ANKRD31: variants seen among roughly 807,000 people sequenced by gnomAD.
ANKRD31 encodes the protein ankyrin repeat domain 31.
ANKRD31 carries 147 observed loss-of-function variants against 186.0 expected under a neutral mutation model. The observed-to-expected ratio is 0.79, with a 90% CI of 0.69 to 0.91. The LOEUF is 0.91. ANKRD31 is among the 40% of genes least tolerant of loss of function. The pLI is 0.00. For synonymous variants in ANKRD31, 673 were observed against 736.4 expected (o/e 0.91, Z 1.39); for missense variants, 1,986 against 2,148.8 (o/e 0.92, Z 1.50).
At chr5:75,073,334 G>T (rs961112093) in intron 25 of ANKRD31, among the ~76,000 whole-genome samples, 1 of 151,422 alleles carries the variant, frequency 6.6e-6, no homozygotes, top group Admixed American at 6.6e-5. Context: ...AAATAAAAGT[G>T]CTTGTTTTAA....
intron 11 of ANKRD31, among the ~76,000 whole-genome samples, chr5:75,167,239 T>C (rs1752995199): frequency 6.6e-6 from 1 of 152,098 alleles, no homozygotes. Flanking sequence ...ATCTCTCCCA[T>C]AAAACAATTA....
chr5:75,134,797 C>G (rs1301463853), intron 17 of ANKRD31, among the ~76,000 whole-genome samples: 1 of 152,112 alleles, frequency 6.6e-6, no homozygotes, highest in African/African-American at 2.4e-5. Flanking sequence ...AATCCAGTAG[C>G]ACATCAAAAA....
intron 5 of ANKRD31, among the ~76,000 whole-genome samples, chr5:75,203,386 G>A (rs746673557): frequency 5.3e-5 from 8 of 152,184 alleles, no homozygotes; most frequent in East Asian, 1.9e-4. Context: ...AGGGGAGGCC[G>A]GGCGCGGTGG....
Position 75,118,259 on chromosome 5 carries a change from A to T in ANKRD31, c.3915T>A (p.Asn1305Lys). The change falls in exon 18 of 26, where the codon AAT becomes AAA. Residue 1305 changes from asparagine (N) to lysine (K), a missense_variant. Coordinates refer to ENST00000506364, the MANE Select transcript of ANKRD31 (RefSeq NM_001372053.1). ...CACTCTTCTGTTTTTGATCTTTTTG[A>T]TTAGGGTTTGCTCCATTTTGTAGTA... ...EILLQNGANPNQKDQKQKSAL... is the reference protein window; with the variant it reads ...EILLQNGANPKQKDQKQKSAL... 11 of 1,518,214 alleles carry T rather than the reference A, an allele frequency of 7.2e-6. No homozygotes were observed. Among genetic ancestry groups the T allele is most frequent in the Non-Finnish European group, 9.6e-6 (11 of 1,141,834 alleles). 94.0% of individuals were successfully genotyped at this position (1,518,214 alleles called of 1,614,324 possible). A position where few individuals can be genotyped will look rare whatever the true frequency, so the allele number is the denominator to read the frequency against.
At chr5:75,117,763 G>A (rs1439615088) in intron 18 of ANKRD31, among the ~76,000 whole-genome samples, 1 of 152,026 alleles carries the variant, frequency 6.6e-6, no homozygotes, top group Non-Finnish European at 1.5e-5. Flanking sequence ...TGTAATATAT[G>A]TTATATTCCT....
chr5:75,170,161 T>C (rs1174396226), intron 10 of ANKRD31, among the ~76,000 whole-genome samples: 3 of 152,146 alleles, frequency 2.0e-5, no homozygotes, highest in Non-Finnish European at 4.4e-5. Context: ...ATATATATGA[T>C]AGCTATAGCA....
chr5:75,212,500 C>T (rs1033370698), intron 3 of ANKRD31, among the ~76,000 whole-genome samples: 101 of 152,214 alleles, frequency 6.6e-4, no homozygotes, highest in African/African-American at 2.3e-3. Flanking sequence ...GGCATGGTTG[C>T]CCATGCCTAT....
chr5:75,211,667 A>AT (rs906663834), intron 3 of ANKRD31, among the ~76,000 whole-genome samples: 118 of 151,952 alleles, frequency 7.8e-4, no homozygotes, highest in African/African-American at 2.8e-3. Flanking sequence ...TATTTTGGGT[A>AT]TTTTTTTTAA....
At chr5:75,217,243 T>C (rs181031371) in intron 3 of ANKRD31, among the ~76,000 whole-genome samples, 87 of 152,286 alleles carry the variant, frequency 5.7e-4, no homozygotes, top group African/African-American at 2.0e-3. Context: ...CTAGGTCCAT[T>C]TGGTCAAGTG....
At chr5:75,078,320 T>C (rs1053525792) in intron 25 of ANKRD31, among the ~76,000 whole-genome samples, 1 of 152,246 alleles carries the variant, frequency 6.6e-6, no homozygotes, top group South Asian at 2.1e-4. Context: ...TGACAAAGCA[T>C]GATAATAGAA....
At chr5:75,221,555 G>T (rs1269726787) in intron 3 of ANKRD31, among the ~76,000 whole-genome samples, 3 of 152,134 alleles carry the variant, frequency 2.0e-5, no homozygotes, top group Non-Finnish European at 4.4e-5. Context: ...TCTCATATCT[G>T]CATCTCTACC....
At chr5:75,211,485 C>A (rs1293678357) in intron 3 of ANKRD31, among the ~76,000 whole-genome samples, 5 of 152,170 alleles carry the variant, frequency 3.3e-5, no homozygotes, top group Admixed American at 3.3e-4. Context: ...TCCCTGCTTT[C>A]ACTTCTTCGG....
intron 17 of ANKRD31, among the ~76,000 whole-genome samples, chr5:75,126,386 G>A (rs1749259013): frequency 6.6e-6 from 1 of 152,192 alleles, no homozygotes; most frequent in African/African-American, 2.4e-5. Context: ...AGGTTGCAGT[G>A]ACCAGAGAAC....
At chr5:75,201,412 T>C (rs1447005078) in intron 5 of ANKRD31, among the ~76,000 whole-genome samples, 1 of 152,218 alleles carries the variant, frequency 6.6e-6, no homozygotes, top group African/African-American at 2.4e-5. Context: ...AAAATTTTAA[T>C]ACCAATGAAA....
intron 11 of ANKRD31, among the ~76,000 whole-genome samples, chr5:75,157,911 A>C (rs139718490): frequency 2.0e-5 from 3 of 152,244 alleles, no homozygotes; most frequent in Non-Finnish European, 4.4e-5. Flanking sequence ...GCTACCCTTC[A>C]AAAGAAAAGA....
At chr5:75,175,349 G>T (rs940683614) in intron 10 of ANKRD31, among the ~76,000 whole-genome samples, 1 of 152,056 alleles carries the variant, frequency 6.6e-6, no homozygotes, top group Non-Finnish European at 1.5e-5. Flanking sequence ...CCTGCATGTT[G>T]TGCACATGTA....
At chr5:75,085,354 C>T (rs1333380680) in intron 23 of ANKRD31, among the ~76,000 whole-genome samples, 2 of 151,862 alleles carry the variant, frequency 1.3e-5, no homozygotes, top group African/African-American at 4.8e-5. Flanking sequence ...TCTGAAGTCC[C>T]GGCTCCTTTT....
chr5:75,236,748 A>C lies in ANKRD31; in HGVS notation c.-62T>G, dbSNP rs1758298939. On this transcript the variant is annotated 5_prime_UTR_variant, in exon 1 of 26. Coordinates refer to ENST00000506364, the MANE Select transcript of ANKRD31 (RefSeq NM_001372053.1). ...TAACTCCCTCTTGCCCGCAAACAAAAAAACGCTTTGAGGGCCAGGGGAAAT... is the reference window on the plus strand; with the variant it reads ...TAACTCCCTCTTGCCCGCAAACAAACAAACGCTTTGAGGGCCAGGGGAAAT... 1.5e-6 allele frequency: 2 copies of C among 1,335,858 alleles called. No homozygotes were observed. The highest frequency in any genetic ancestry group is 5.0e-5 in the Admixed American group (2 of 40,148). 82.8% of individuals were successfully genotyped at this position (1,335,858 alleles called of 1,614,324 possible).
intron 3 of ANKRD31, among the ~76,000 whole-genome samples, chr5:75,221,778 T>C (rs1306643747): frequency 6.7e-6 from 1 of 150,278 alleles, no homozygotes; most frequent in Non-Finnish European, 1.5e-5. Context: ...ATCTTTATGA[T>C]GACCCACTTG....
Sources: gnomAD v4.1 joint callset for allele counts (sites outside exome capture counted in the v4.1 genomes callset) on GRCh38, gnomAD v4.1.1 for gene constraint, MANE v1.5 for transcripts, NCBI Gene and HGNC (gene_info 2026-07-23, HGNC 2026-07-21) for gene names.